The following KIRREL1 variants were observed in gnomAD, a reference collection of about 807,000 sequenced individuals.
KIRREL1 encodes the protein kirre like nephrin family adhesion molecule 1.
A neutral mutation model predicts 83.3 loss-of-function variants in KIRREL1; 25 were observed. The ratio of observed to expected loss-of-function variants is 0.30; its 90% CI spans 0.22 to 0.42. The LOEUF (loss-of-function observed/expected upper bound fraction) is 0.42. KIRREL1 is among the 10% of genes least tolerant of loss of function. KIRREL1 has a pLI of 1.00. For missense variants in KIRREL1, 812 were observed against 1,032.3 expected, an observed-to-expected ratio of 0.79 and a Z score of 2.92; for synonymous variants, 388 against 410.4, an observed-to-expected ratio of 0.95 and a Z score of 0.66.
chr1:158,039,724 T>C (rs1660574579), intron 1 of KIRREL1, among the ~76,000 whole-genome samples: 1 of 152,234 alleles, frequency 6.6e-6, no homozygotes, highest in South Asian at 2.1e-4. Context: ...AGGCCTGTGA[T>C]GTAAATACAG....
intron 3 of KIRREL1, among the ~76,000 whole-genome samples, chr1:158,078,961 C>T (rs12046153): frequency 6.6e-6 from 1 of 151,960 alleles, no homozygotes; most frequent in Non-Finnish European, 1.5e-5. Flanking sequence ...CTTGCCCCCC[C>T]TCACCCACTC....
chr1:158,060,004 G>A (rs970443747), intron 1 of KIRREL1, among the ~76,000 whole-genome samples: 6 of 152,140 alleles, frequency 3.9e-5, no homozygotes, highest in Admixed American at 3.9e-4. Context: ...AGGTTGGTGT[G>A]AGGTTTCTGT....
intron 1 of KIRREL1, among the ~76,000 whole-genome samples, chr1:158,002,950 G>C (rs1269826747): frequency 6.6e-6 from 1 of 152,142 alleles, no homozygotes; most frequent in Non-Finnish European, 1.5e-5. Context: ...TTTATATAAA[G>C]CACACTTCCC....
At chr1:158,075,244 C>G (rs1661644020) in intron 1 of KIRREL1, among the ~76,000 whole-genome samples, 1 of 152,194 alleles carries the variant, frequency 6.6e-6, no homozygotes, top group South Asian at 2.1e-4. Flanking sequence ...CAATTAAAGG[C>G]AATTACTCTG....
chr1:158,020,410 G>A (rs1450079106), intron 1 of KIRREL1, among the ~76,000 whole-genome samples: 2 of 151,940 alleles, frequency 1.3e-5, no homozygotes, highest in Non-Finnish European at 2.9e-5. Flanking sequence ...TTTTTGGGGG[G>A]CTTCCAAAGC....
chr1:158,040,042 G>C (rs758030044), intron 1 of KIRREL1, among the ~76,000 whole-genome samples: 9 of 152,242 alleles, frequency 5.9e-5, no homozygotes, highest in Non-Finnish European at 1.2e-4. Flanking sequence ...CCAGTGGAAA[G>C]CATGAGACTG....
chr1:158,086,858 A>C (rs978377165), intron 5 of KIRREL1, 112 bp downstream of exon 5: 14 of 989,616 alleles, frequency 1.4e-5, no homozygotes, highest in African/African-American at 4.9e-5. Context: ...TATGGTCCCC[A>C]GGACAAACGC....
At chr1:158,032,412 A>G (rs1377643624) in intron 1 of KIRREL1, among the ~76,000 whole-genome samples, 2 of 152,218 alleles carry the variant, frequency 1.3e-5, no homozygotes, top group Non-Finnish European at 2.9e-5. Flanking sequence ...CTAGCGTCTC[A>G]ATCTCAGGAA....
chr1:158,051,325 T>G (rs1411580816), intron 1 of KIRREL1, among the ~76,000 whole-genome samples: 1 of 152,228 alleles, frequency 6.6e-6, no homozygotes, highest in Non-Finnish European at 1.5e-5. Context: ...GACTCCCAGA[T>G]CCTACTTCTA....
rs755311233 is a variant in KIRREL1, at chr1:158,088,419, C to A, written c.1009C>A (p.Leu337Ile). Reference protein sequence around the residue: ...LTCVWVGNPPLTLTWTKKDSN... With the variant: ...LTCVWVGNPPITLTWTKKDSN... The stretch of plus-strand genomic sequence containing the variant: ...CTGTGTCTGGGTTGGGAATCCCCCC[C>A]TCACTCTCACCTGGACCAAAAAGGA... Residue 337 changes from leucine (L) to isoleucine (I), a missense_variant, in exon 8 of 15, where the codon CTC becomes ATC. This residue lies in a region of KIRREL1 where 472 missense variants were observed against 626.8 expected (regional missense o/e 0.75). Coordinates refer to ENST00000359209, the MANE Select transcript of KIRREL1 (RefSeq NM_018240.7). 2.5e-6 allele frequency: 4 copies of A among 1,613,508 alleles called. No individual in the cohort carries two copies. The highest frequency in any genetic ancestry group is 1.3e-5 in the African/African-American group (1 of 74,816).
intron 1 of KIRREL1, among the ~76,000 whole-genome samples, chr1:158,002,658 A>T (rs1024852735): frequency 1.3e-5 from 2 of 152,194 alleles, no homozygotes; most frequent in African/African-American, 2.4e-5. Flanking sequence ...GTATAAACAC[A>T]TATTGACAAT....
At chr1:158,065,352 A>C (rs1661330147) in intron 1 of KIRREL1, among the ~76,000 whole-genome samples, 1 of 152,180 alleles carries the variant, frequency 6.6e-6, no homozygotes, top group Non-Finnish European at 1.5e-5. Flanking sequence ...TGCTGAAGTA[A>C]GCAGTGGGAG....
intron 1 of KIRREL1, among the ~76,000 whole-genome samples, chr1:157,997,371 A>G (rs1258521111): frequency 6.6e-6 from 1 of 152,198 alleles, no homozygotes; most frequent in African/African-American, 2.4e-5. Context: ...AGAAGTGCTC[A>G]GTAAATGCTT....
intron 1 of KIRREL1, among the ~76,000 whole-genome samples, chr1:158,061,514 G>T (rs1445894320): frequency 2.0e-5 from 3 of 152,302 alleles, no homozygotes; most frequent in African/African-American, 7.2e-5. Flanking sequence ...ACACCTGGAT[G>T]TGGGGTATCC....
intron 1 of KIRREL1, among the ~76,000 whole-genome samples, chr1:158,048,514 T>G (rs1453702054): frequency 1.3e-5 from 2 of 152,092 alleles, no homozygotes; most frequent in African/African-American, 4.8e-5. Flanking sequence ...GGGGAAGAAA[T>G]AGATCTAGTC....
At chr1:157,995,297 G>A (rs1327817553) in intron 1 of KIRREL1, among the ~76,000 whole-genome samples, 2 of 152,236 alleles carry the variant, frequency 1.3e-5, no homozygotes, top group Non-Finnish European at 2.9e-5. Flanking sequence ...CACACACTAT[G>A]ATATGGGAAG....
At chr1:158,075,730 C>T (rs948467025) in intron 1 of KIRREL1, among the ~76,000 whole-genome samples, 1 of 152,180 alleles carries the variant, frequency 6.6e-6, no homozygotes, top group Non-Finnish European at 1.5e-5. Context: ...TGCAGGGGCT[C>T]AGGTTCTAAT....
In KIRREL1 at chr1:158,094,702, C is replaced by T. The variant is rs925932390; in HGVS notation, c.1856C>T (p.Ala619Val). The change falls in exon 15 of 15, where the codon GCA (alanine) becomes GTA (valine). Residue 619 changes from alanine to valine, a missense_variant. Physicochemically the swap from Ala to Val is moderately conservative, Grantham distance 64. This residue lies in a region of KIRREL1 where 334 missense variants were observed against 383.7 expected (regional missense o/e 0.87). Transcript: ENST00000359209. The surrounding 1 kb of genome is among the most constrained non-coding windows in gnomAD (Gnocchi z 4.6). Reference protein sequence around the residue: ...RAHEDRPSSRAVLYADYRAPG... With the variant: ...RAHEDRPSSRVVLYADYRAPG... ...CATGAAGACCGCCCGTCTTCCAGGG[C>T]AGTGCTCTATGCTGACTACCGTGCC... The T allele has an allele frequency of 1.2e-6, 2 of 1,612,134 alleles. No homozygotes were observed. The highest frequency in any genetic ancestry group is 1.3e-5 in the African/African-American group (1 of 74,998).
intron 11 of KIRREL1, 112 bp from the exon 12 acceptor site, chr1:158,093,227 T>C: frequency 1.2e-6 from 1 of 839,996 alleles, no homozygotes; most frequent in Non-Finnish European, 2.0e-6. Flanking sequence ...CTTAGCCCTG[T>C]ACACAAGCCA....
Sources: allele counts gnomAD v4.1 joint callset (sites outside exome capture counted in the v4.1 genomes callset), GRCh38; gene constraint gnomAD v4.1.1; regional missense constraint gnomAD v4.1.1; non-coding constraint Gnocchi (gnomAD v3.1); transcripts MANE v1.5; gene names NCBI Gene and HGNC (gene_info 2026-07-23, HGNC 2026-07-21).